Variants in NRXN3 observed in about 807,000 individuals in gnomAD.
NRXN3 encodes neurexin 3, also known as neurexin III.
Under a neutral mutation model 137.6 loss-of-function variants are expected in NRXN3, and 32 were observed. That is an observed-to-expected ratio of 0.23 (90% CI 0.18 to 0.31). The LOEUF (loss-of-function observed/expected upper bound fraction) is 0.31. Among genes scored for constraint, NRXN3 ranks in the 10% least tolerant of loss-of-function variants. NRXN3 has a pLI of 1.00. For synonymous variants in NRXN3, 798 were observed against 784.5 expected, an observed-to-expected ratio of 1.02 and a Z score of -0.29; for missense variants, 1,574 against 2,062.5, an observed-to-expected ratio of 0.76 and a Z score of 4.59.
chr14:78,831,927 G>A (rs539719511), intron 10 of NRXN3, among the ~76,000 whole-genome samples: 3 of 151,940 alleles, frequency 2.0e-5, no homozygotes, highest in South Asian at 4.2e-4. Flanking sequence ...TTTCTAAGTC[G>A]AAAAAGACTT....
chr14:79,750,750 G>A (rs1027378704), intron 19 of NRXN3, among the ~76,000 whole-genome samples: 3 of 151,988 alleles, frequency 2.0e-5, no homozygotes, highest in Non-Finnish European at 4.4e-5. Flanking sequence ...ATACTTCTGT[G>A]GAGTCGCAAG....
chr14:79,842,788 C>T (rs952280687), intron 20 of NRXN3, among the ~76,000 whole-genome samples: 2 of 152,066 alleles, frequency 1.3e-5, no homozygotes, highest in Non-Finnish European at 2.9e-5. Flanking sequence ...ATCATGAATA[C>T]AATACACTAT....
intron 10 of NRXN3, among the ~76,000 whole-genome samples, chr14:78,906,987 C>T (rs1006979529): frequency 2.0e-5 from 3 of 151,982 alleles, no homozygotes; most frequent in Admixed American, 2.0e-4. Flanking sequence ...GGCTGAGATA[C>T]ACTCCTTAAA....
intron 16 of NRXN3, among the ~76,000 whole-genome samples, chr14:79,567,228 CT>C (rs929357303): frequency 6.6e-6 from 1 of 151,186 alleles, no homozygotes; most frequent in African/African-American, 2.4e-5. Flanking sequence ...TTTAGGCTAG[CT>C]TGTGTTCAAA....
intron 15 of NRXN3, among the ~76,000 whole-genome samples, chr14:79,227,060 C>T (rs944589956): frequency 2.2e-4 from 34 of 152,080 alleles, no homozygotes; most frequent in Non-Finnish European, 4.4e-5. Flanking sequence ...CCTCGTGATC[C>T]GCCAGCCTAG....
chr14:79,861,948 G>A lies in NRXN3; in HGVS notation c.4700G>A (p.Arg1567Lys), dbSNP rs746444206. Residue 1567 changes from arginine (R) to lysine (K), a missense_variant, in exon 21 of 21, where the codon AGG becomes AAG. Arg to Lys is a conservative substitution (Grantham distance 26). Coordinates refer to ENST00000335750, the MANE Select transcript of NRXN3 (RefSeq NM_001330195.2). The surrounding 1 kb of genome is among the most constrained non-coding windows in gnomAD (Gnocchi z 5.4). ...SGHKKQKNKD[R>K]EYYV ...CACAAGAAACAGAAAAACAAGGACAGGGAGTATTACGTGTAAACATGCGAA... is the reference window on the plus strand; with the variant it reads ...CACAAGAAACAGAAAAACAAGGACAAGGAGTATTACGTGTAAACATGCGAA... The A allele has an allele frequency of 1.2e-6, 2 of 1,612,816 alleles. No individual in the cohort carries two copies. The highest frequency in any genetic ancestry group is 1.7e-6 in the Non-Finnish European group (2 of 1,179,400).
chr14:78,397,933 G>A (rs1006889098), intron 4 of NRXN3, among the ~76,000 whole-genome samples: 14 of 150,874 alleles, frequency 9.3e-5, no homozygotes, highest in Non-Finnish European at 1.9e-4. Flanking sequence ...ACTGTTTTAG[G>A]GCCAGGGGCA....
chr14:78,502,850 G>T (rs548024678), intron 4 of NRXN3, among the ~76,000 whole-genome samples: 1 of 152,332 alleles, frequency 6.6e-6, no homozygotes, highest in South Asian at 2.1e-4. Flanking sequence ...GGCTGGGAAA[G>T]GGAGTAGCAG....
chr14:79,045,794 C>T (rs573607472), intron 15 of NRXN3, among the ~76,000 whole-genome samples: 39 of 152,140 alleles, frequency 2.6e-4, no homozygotes, highest in Non-Finnish European at 5.1e-4. Context: ...GTATATTATT[C>T]GCCAGTGATT....
intron 4 of NRXN3, among the ~76,000 whole-genome samples, chr14:78,441,008 G>T (rs904784421): frequency 2.6e-5 from 4 of 152,104 alleles, no homozygotes; most frequent in African/African-American, 9.7e-5. Context: ...CTCCATCCTT[G>T]GCAGTCTGTC....
At chr14:78,745,117 C>T (rs754539019) in intron 8 of NRXN3, 1 of 152,234 alleles carries the variant, frequency 6.6e-6, no homozygotes, top group Non-Finnish European at 1.5e-5. Context: ...ATGACTTGCA[C>T]TTGTACTTTT....
rs1300924236 is a variant in NRXN3 at position 79,604,530 on chromosome 14, C to T, written c.3445-59248C>T. 7.5e-5 allele frequency among the ~76,000 whole-genome samples: 9 copies of T among 119,980 alleles called. No homozygotes were observed. The East Asian group carries it at 1.6e-3, about 21-fold the overall frequency. The allele number at this position is 119,980 out of a possible 152,430, so 78.7% of individuals were successfully genotyped here. A position where few individuals can be genotyped will look rare whatever the true frequency, so the allele number is the denominator to read the frequency against. On this transcript the variant is annotated intron_variant, in intron 16 of 20. Transcript: ENST00000335750. ...GATTACAGGCATGAGCCACTGCTCC[C>T]GGACTTTTTTTTTTTTTAATCCTTC... is the stretch of plus-strand genomic sequence containing the variant.
At chr14:79,635,417 A>T (rs910524515) in intron 16 of NRXN3, among the ~76,000 whole-genome samples, 1 of 152,224 alleles carries the variant, frequency 6.6e-6, no homozygotes, top group Non-Finnish European at 1.5e-5. Context: ...CCAGGAATGG[A>T]AAGTGGGAAT....
Position 78,842,501 on chromosome 14 carries a change from G to A in NRXN3, c.2275+32157G>A, listed in dbSNP as rs35361393. On this transcript the variant is annotated intron_variant, in intron 10 of 20. Transcript: ENST00000335750. ...ATCACAAGGTAAATGGAGGCAGGGCGAGATCACAGGACCACAGGACTGGGG... is the reference window on the plus strand; with the variant it reads ...ATCACAAGGTAAATGGAGGCAGGGCAAGATCACAGGACCACAGGACTGGGG... Among the ~76,000 whole-genome samples, 1,384 of 152,194 alleles carry A rather than the reference G, an allele frequency of 9.1e-3. 9 individuals carry two copies. The highest frequency in any genetic ancestry group is 0.024 in the South Asian group (118 of 4,830).
At chr14:79,178,416 T>C (rs1249950109) in intron 15 of NRXN3, among the ~76,000 whole-genome samples, 1 of 152,220 alleles carries the variant, frequency 6.6e-6, no homozygotes, top group African/African-American at 2.4e-5. Flanking sequence ...GAAACTCTAT[T>C]ATATTCACTC....
chr14:79,680,583 C>T (rs147138928), intron 17 of NRXN3, among the ~76,000 whole-genome samples: 20 of 151,924 alleles, frequency 1.3e-4, no homozygotes, highest in African/African-American at 4.6e-4. Flanking sequence ...TAAGTGTATT[C>T]ATGACCAGTA....
At chr14:79,787,528 C>G (rs982316607) in intron 19 of NRXN3, among the ~76,000 whole-genome samples, 5 of 152,162 alleles carry the variant, frequency 3.3e-5, no homozygotes, top group Non-Finnish European at 5.9e-5. Flanking sequence ...TAGTCTTCAA[C>G]CAACATCTCC....
intron 10 of NRXN3, among the ~76,000 whole-genome samples, chr14:78,852,735 A>G (rs894914449): frequency 6.6e-6 from 1 of 152,214 alleles, no homozygotes; most frequent in African/African-American, 2.4e-5. Context: ...AACTTAAATA[A>G]TAAGTTAATG....
chr14:79,042,516 A>T (rs754261844), intron 15 of NRXN3, among the ~76,000 whole-genome samples: 11 of 152,216 alleles, frequency 7.2e-5, no homozygotes, highest in Non-Finnish European at 1.5e-4. Flanking sequence ...TGACTCCATA[A>T]ATCATACTCA....
Sources: gnomAD v4.1 joint callset for allele counts (sites outside exome capture counted in the v4.1 genomes callset) on GRCh38, gnomAD v4.1.1 for gene constraint, Gnocchi (gnomAD v3.1) non-coding constraint, MANE v1.5 for transcripts, NCBI Gene and HGNC (gene_info 2026-07-23, HGNC 2026-07-21) for gene names.